SERPINI1: variants seen among roughly 807,000 people sequenced by gnomAD.
SERPINI1 encodes serpin family I member 1.
In SERPINI1, 19 loss-of-function variants were observed where a neutral mutation model predicts 41.1. The observed-to-expected ratio is 0.46, with a 90% CI of 0.32 to 0.68. The LOEUF (loss-of-function observed/expected upper bound fraction) is 0.68, where lower values mean the gene tolerates loss of function less well. SERPINI1 is among the 30% of genes least tolerant of loss of function. The pLI is 0.03. For synonymous variants in SERPINI1, 138 were observed against 156.6 expected (o/e 0.88, Z 0.89); for missense variants, 460 against 479.2 (o/e 0.96, Z 0.37).
chr3:167,747,645 A>AAACAAC (rs148708499), intron 1 of SERPINI1, among the ~76,000 whole-genome samples: 9 of 151,788 alleles, frequency 5.9e-5, no homozygotes, highest in Non-Finnish European at 7.4e-5. Context: ...CTACGTCTCA[A>AAACAAC]AACAACAACA....
At chr3:167,822,116 C>T (rs969137014) in intron 6 of SERPINI1, among the ~76,000 whole-genome samples, 1 of 152,208 alleles carries the variant, frequency 6.6e-6, no homozygotes, top group African/African-American at 2.4e-5. Context: ...GGCTCAGCCA[C>T]GCTGACACGT....
chr3:167,823,983 A>G (rs1440193798), intron 7 of SERPINI1, among the ~76,000 whole-genome samples: 1 of 152,180 alleles, frequency 6.6e-6, no homozygotes, highest in Non-Finnish European at 1.5e-5. Context: ...AATCACTGCC[A>G]TCTTGACCAC....
chr3:167,799,253 T>G (rs1197111965), intron 5 of SERPINI1, among the ~76,000 whole-genome samples: 1 of 152,176 alleles, frequency 6.6e-6, no homozygotes, highest in East Asian at 1.9e-4. Context: ...CCATGCATTC[T>G]TATTGTTCAA....
chr3:167,791,400 T>A (rs1303837655), intron 3 of SERPINI1, among the ~76,000 whole-genome samples: 1 of 152,140 alleles, frequency 6.6e-6, no homozygotes, highest in African/African-American at 2.4e-5. Context: ...ATCTCCAAGA[T>A]GTAGGCATCT....
rs548490329 is a variant in SERPINI1, at chr3:167,791,503, A to T, written c.481+901A>T. On this transcript the variant is annotated intron_variant, in intron 3 of 8. Coordinates refer to ENST00000446050, the MANE Select transcript of SERPINI1 (RefSeq NM_001122752.2). ...TTATCTATGAGATTAAAAAAAGATG[A>T]CAATAAAAGAAACTTAAATGTAGTC... Among the ~76,000 whole-genome samples, 4 of 152,330 alleles carry T rather than the reference A, an allele frequency of 2.6e-5. No individual in the cohort carries two copies. In the East Asian group the frequency reaches 7.7e-4, roughly 29 times the overall value.
At chr3:167,763,396 T>TGTGTGTGTGTGTG (rs1559999128) in intron 1 of SERPINI1, among the ~76,000 whole-genome samples, 1 of 151,364 alleles carries the variant, frequency 6.6e-6, no homozygotes, top group African/African-American at 2.4e-5. Context: ...TGTGTGTGTG[T>TGTGTGTGTGTGTG]TGAGACAGGA....
chr3:167,748,504 C>T (rs1725934607), intron 1 of SERPINI1, among the ~76,000 whole-genome samples: 1 of 152,132 alleles, frequency 6.6e-6, no homozygotes, highest in South Asian at 2.1e-4. Context: ...GAACTGTAAA[C>T]ATGGCCTTTG....
chr3:167,797,614 C>A (rs2108561540), intron 5 of SERPINI1, among the ~76,000 whole-genome samples: 1 of 152,186 alleles, frequency 6.6e-6, no homozygotes, highest in Middle Eastern at 3.4e-3. Context: ...TCAAGGCAAT[C>A]ATAACCCAAA....
At chr3:167,770,479 AT>A (rs1726713219) in intron 1 of SERPINI1, among the ~76,000 whole-genome samples, 1 of 152,034 alleles carries the variant, frequency 6.6e-6, no homozygotes, top group South Asian at 2.1e-4. Flanking sequence ...TTTTTAATGC[AT>A]TTTAGTATCT....
At chr3:167,819,092 A>G (rs971369175) in intron 6 of SERPINI1, among the ~76,000 whole-genome samples, 13 of 152,192 alleles carry the variant, frequency 8.5e-5, no homozygotes, top group African/African-American at 2.4e-4. Context: ...AGCATCAAAT[A>G]GCTGCTAGTT....
chr3:167,793,850 G>GTGTGTT (rs1727622433), intron 4 of SERPINI1, among the ~76,000 whole-genome samples: 1 of 151,092 alleles, frequency 6.6e-6, no homozygotes, highest in Non-Finnish European at 1.5e-5. Flanking sequence ...GTGTGTGTGT[G>GTGTGTT]TGTGTGTGTG....
intron 1 of SERPINI1, among the ~76,000 whole-genome samples, chr3:167,781,736 A>T (rs1727132987): frequency 6.8e-6 from 1 of 146,356 alleles, no homozygotes; most frequent in South Asian, 2.1e-4. Context: ...ACTCACAATT[A>T]TGAAACCATT....
chr3:167,742,491 G>A (rs961137375), intron 1 of SERPINI1, among the ~76,000 whole-genome samples: 1 of 152,182 alleles, frequency 6.6e-6, no homozygotes, highest in Admixed American at 6.5e-5. Flanking sequence ...TGTTGATCCA[G>A]ATATCACACT....
intron 6 of SERPINI1, among the ~76,000 whole-genome samples, chr3:167,813,382 A>G (rs540541860): frequency 3.2e-4 from 49 of 152,270 alleles, no homozygotes; most frequent in South Asian, 8.3e-4. Flanking sequence ...ATCATCGTCA[A>G]AGCTCTTAAA....
chr3:167,740,459 G>T (rs983573984), intron 1 of SERPINI1, among the ~76,000 whole-genome samples: 1 of 152,124 alleles, frequency 6.6e-6, no homozygotes, highest in African/African-American at 2.4e-5. Flanking sequence ...TTCATTTTGA[G>T]AATCCTTTTA....
intron 2 of SERPINI1, 73 bp downstream of exon 2, chr3:167,789,451 C>T: frequency 6.5e-7 from 1 of 1,538,864 alleles, no homozygotes; most frequent in South Asian, 1.1e-5. Context: ...TATTCTTATT[C>T]TAGACACAGC....
At chr3:167,819,667 C>T (rs1712243446) in intron 6 of SERPINI1, among the ~76,000 whole-genome samples, 1 of 152,100 alleles carries the variant, frequency 6.6e-6, no homozygotes, top group African/African-American at 2.4e-5. Flanking sequence ...AACAGATGTA[C>T]CAAAATGTTG....
At chr3:167,779,259 C>T (rs1409661154) in intron 1 of SERPINI1, among the ~76,000 whole-genome samples, 1 of 152,150 alleles carries the variant, frequency 6.6e-6, no homozygotes, top group Admixed American at 6.6e-5. Context: ...ATAATCTTGA[C>T]TCTCATACAA....
chr3:167,782,132 G>T (rs925713167), intron 1 of SERPINI1, among the ~76,000 whole-genome samples: 1 of 152,128 alleles, frequency 6.6e-6, no homozygotes, highest in African/African-American at 2.4e-5. Flanking sequence ...ATTTTACAGA[G>T]TAGCTAGAAA....
Sources: allele counts gnomAD v4.1 joint callset (sites outside exome capture counted in the v4.1 genomes callset), GRCh38; gene constraint gnomAD v4.1.1; transcripts MANE v1.5; gene names NCBI Gene and HGNC (gene_info 2026-07-23, HGNC 2026-07-21).